The following ADK variants were observed in gnomAD, a reference collection of about 807,000 sequenced individuals.
ADK encodes adenosine kinase.
In ADK, 24 loss-of-function variants were observed where a neutral mutation model predicts 44.7. The ratio of observed to expected loss-of-function variants is 0.54; its 90% CI spans 0.39 to 0.76. ADK has a LOEUF of 0.76. Among genes scored for constraint, ADK ranks in the 30% least tolerant of loss-of-function variants. The probability of loss-of-function intolerance (pLI) is 0.00; values close to 1 mark genes in which losing one functional copy is unlikely to be tolerated. For missense variants in ADK, 321 were observed against 425.1 expected (o/e 0.76, Z 2.15); for synonymous variants, 128 against 142.6 (o/e 0.90, Z 0.73).
intron 2 of ADK, among the ~76,000 whole-genome samples, chr10:74,221,743 C>T (rs1485854218): frequency 6.9e-6 from 1 of 145,654 alleles, no homozygotes; most frequent in Non-Finnish European, 1.5e-5. Flanking sequence ...TGATCTTTGA[C>T]AAACCTGAGA....
At chr10:74,613,779 T>C (rs1268906899) in intron 9 of ADK, among the ~76,000 whole-genome samples, 1 of 152,134 alleles carries the variant, frequency 6.6e-6, no homozygotes, top group African/African-American at 2.4e-5. Flanking sequence ...AATCTCAGCA[T>C]TGGAAGAATA....
At chr10:74,173,163 G>T (rs1285758450) in intron 1 of ADK, among the ~76,000 whole-genome samples, 1 of 148,234 alleles carries the variant, frequency 6.7e-6, no homozygotes, top group East Asian at 2.0e-4. Context: ...CATGATCTCT[G>T]CTCACTGCAA....
intron 10 of ADK, among the ~76,000 whole-genome samples, chr10:74,684,471 CA>C (rs1357150695): frequency 5.3e-5 from 8 of 151,934 alleles, no homozygotes; most frequent in Non-Finnish European, 8.8e-5. Context: ...AGTAGTAAAA[CA>C]ATTATAAAAT....
At chr10:74,694,251 A>C (rs1459232787) in intron 10 of ADK, among the ~76,000 whole-genome samples, 2 of 146,226 alleles carry the variant, frequency 1.4e-5, no homozygotes, top group African/African-American at 5.0e-5. Flanking sequence ...CACAAGTAGA[A>C]ATTATAAAGT....
chr10:74,626,244 A>G (rs1424820244), intron 9 of ADK, among the ~76,000 whole-genome samples: 1 of 152,136 alleles, frequency 6.6e-6, no homozygotes, highest in Admixed American at 6.5e-5. Flanking sequence ...CCAGAAATCA[A>G]TGGTAGAATC....
At chr10:74,683,663 C>T (rs1301306702) in intron 10 of ADK, among the ~76,000 whole-genome samples, 2 of 152,126 alleles carry the variant, frequency 1.3e-5, no homozygotes, top group Non-Finnish European at 2.9e-5. Context: ...TCTAGACGCA[C>T]ATGGGAATTA....
In ADK at chr10:74,220,387, C is replaced by T. The variant is rs568294066; in HGVS notation, c.141-4151C>T. Among the ~76,000 whole-genome samples the T allele has an allele frequency of 2.0e-5, 3 of 152,148 alleles. No homozygotes were observed. In the South Asian group the frequency reaches 6.2e-4, roughly 32 times the overall value. ...ATTGTGGCAATAATCAATAGCTTAC[C>T]AACCAAAAAGAGTCCAGGACCAGAT... On this transcript the variant is annotated intron_variant, in intron 2 of 10. Coordinates refer to ENST00000539909, the MANE Select transcript of ADK (RefSeq NM_006721.4).
At chr10:74,518,463 G>A (rs1383366960) in intron 6 of ADK, among the ~76,000 whole-genome samples, 1 of 152,178 alleles carries the variant, frequency 6.6e-6, no homozygotes, top group South Asian at 2.1e-4. Context: ...ACTCAAAGAA[G>A]TAATATAGAC....
chr10:74,407,561 C>T (rs1843994559), intron 6 of ADK, among the ~76,000 whole-genome samples: 1 of 152,084 alleles, frequency 6.6e-6, no homozygotes, highest in Admixed American at 6.6e-5. Context: ...TTTCCTCATA[C>T]ATGTGTACTG....
At chr10:74,177,090 C>T (rs1009230081) in intron 1 of ADK, among the ~76,000 whole-genome samples, 1 of 152,202 alleles carries the variant, frequency 6.6e-6, no homozygotes, top group African/African-American at 2.4e-5. Flanking sequence ...TTGCGGAGTT[C>T]TGTGTGTCGC....
intron 8 of ADK, among the ~76,000 whole-genome samples, chr10:74,592,621 T>C (rs1220921765): frequency 6.6e-6 from 1 of 152,120 alleles, no homozygotes; most frequent in Non-Finnish European, 1.5e-5. Context: ...ATACTTCTGC[T>C]CATAGGGGAA....
At chr10:74,296,519 C>T (rs753621751) in intron 3 of ADK, among the ~76,000 whole-genome samples, 4 of 151,844 alleles carry the variant, frequency 2.6e-5, no homozygotes, top group East Asian at 1.9e-4. Flanking sequence ...AGAGAATAGG[C>T]GCTTTCATAA....
chr10:74,528,554 C>T (rs552750560), intron 7 of ADK, among the ~76,000 whole-genome samples: 25 of 151,154 alleles, frequency 1.7e-4, no homozygotes, highest in African/African-American at 5.8e-4. Context: ...TTTTGGGCAT[C>T]GAAGGACACT....
At chr10:74,418,350 T>C (rs1844444358) in intron 6 of ADK, among the ~76,000 whole-genome samples, 1 of 152,168 alleles carries the variant, frequency 6.6e-6, no homozygotes, top group Admixed American at 6.5e-5. Flanking sequence ...TTGCACCCTG[T>C]ATCATGTGAT....
chr10:74,195,085 C>CT (rs1188790575), intron 1 of ADK, among the ~76,000 whole-genome samples: 1 of 86,492 alleles, frequency 1.2e-5, no homozygotes, highest in Admixed American at 1.2e-4. Context: ...GACCGCTCCC[C>CT]CCCCCAAAAA....
chr10:74,216,915 C>T (rs1190831208), intron 2 of ADK, among the ~76,000 whole-genome samples: 4 of 152,108 alleles, frequency 2.6e-5, no homozygotes, highest in Non-Finnish European at 2.9e-5. Flanking sequence ...GGAACAGCTC[C>T]GGTCTACAGC....
At chr10:74,615,789 A>G (rs553518600) in intron 9 of ADK, among the ~76,000 whole-genome samples, 3 of 152,096 alleles carry the variant, frequency 2.0e-5, no homozygotes, top group East Asian at 1.9e-4. Flanking sequence ...GCTCACTGCA[A>G]TCTCCACCTC....
intron 1 of ADK, among the ~76,000 whole-genome samples, chr10:74,191,633 G>A (rs571040452): frequency 6.6e-6 from 1 of 152,214 alleles, no homozygotes; most frequent in African/African-American, 2.4e-5. Context: ...TGCAAAAATA[G>A]TACAGAAAGT....
intron 6 of ADK, among the ~76,000 whole-genome samples, chr10:74,431,141 G>T (rs1212500632): frequency 2.7e-5 from 4 of 150,796 alleles, no homozygotes; most frequent in African/African-American, 9.7e-5. Flanking sequence ...TGGTGGAAGT[G>T]TTAAAGATGG....
Sources: allele counts gnomAD v4.1 joint callset (sites outside exome capture counted in the v4.1 genomes callset), GRCh38; gene constraint gnomAD v4.1.1; transcripts MANE v1.5; gene names NCBI Gene and HGNC (gene_info 2026-07-23, HGNC 2026-07-21).